STAB2: variants seen among roughly 807,000 people sequenced by gnomAD.
STAB2 encodes the protein stabilin-2.
In STAB2, 288 loss-of-function variants were observed where a neutral mutation model predicts 338.1. That is an observed-to-expected ratio of 0.85 (90% confidence interval 0.77 to 0.94). The LOEUF is 0.94. Among genes scored for constraint, STAB2 ranks in the 40% least tolerant of loss-of-function variants. The probability of loss-of-function intolerance (pLI) is 0.00; values close to 1 mark genes in which losing one functional copy is unlikely to be tolerated. For synonymous variants in STAB2, 1,202 were observed against 1,193.3 expected (o/e 1.01, Z -0.15); for missense variants, 3,141 against 3,210.1 (o/e 0.98, Z 0.52).
In STAB2 at chr12:103,638,198, G is replaced by T; in HGVS notation, c.892G>T (p.Asp298Tyr). ...CPTKSTVCKY[D>Y]GPGQSHCECK... ...TACAAAGTCTACAGTGTGCAAATAT[G>T]ATGGGCCTGGACAGGTGAGCAAATG... Residue 298 changes from aspartate to tyrosine, a missense_variant, in exon 8 of 69, where the codon GAT (aspartate) becomes TAT (tyrosine). By Grantham distance (160) the Asp-to-Tyr change is radical. Transcript: ENST00000388887. 6.2e-7 allele frequency: 1 copy of T among 1,614,080 alleles called. No individual in the cohort carries two copies. Among genetic ancestry groups the T allele is most frequent in the Non-Finnish European group, 8.5e-7 (1 of 1,179,966 alleles).
intron 68 of STAB2, among the ~76,000 whole-genome samples, chr12:103,764,734 G>A (rs1332187878): frequency 6.6e-6 from 1 of 152,126 alleles, no homozygotes; most frequent in Admixed American, 6.5e-5. Context: ...GCAATAGACT[G>A]AAAAATAACC....
chr12:103,670,778 C>CCAATAAATACG lies in STAB2; in HGVS notation c.2343_2353dup (p.Gly785AlafsTer23), dbSNP rs1219244858. Reference sequence around the variant, plus strand: ...TCCCAGTGTCAGTTCTGCTCTGATCCCAATAAATACGGACCTCGGTGTAAC... The same window carrying CCAATAAATACG: ...TCCCAGTGTCAGTTCTGCTCTGATCCCAATAAATACGCAATAAATACGGACCTCGGTGTAAC... On this transcript the variant is annotated frameshift_variant, in exon 22 of 69. Coordinates refer to ENST00000388887, the MANE Select transcript of STAB2 (RefSeq NM_017564.10). LOFTEE classifies it high-confidence loss of function. 1 of 1,613,956 alleles carries CCAATAAATACG rather than the reference C, an allele frequency of 6.2e-7. No homozygotes were observed. Among genetic ancestry groups the CCAATAAATACG allele is most frequent in the Non-Finnish European group, 8.5e-7 (1 of 1,180,014 alleles).
At chr12:103,712,756 C>T (rs1030468914) in intron 41 of STAB2, among the ~76,000 whole-genome samples, 1 of 151,988 alleles carries the variant, frequency 6.6e-6, no homozygotes, top group Non-Finnish European at 1.5e-5. Flanking sequence ...TACTATATAC[C>T]CTAGAAATAT....
At chr12:103,652,773 C>A in intron 12 of STAB2, 68 bp downstream of exon 12, 1 of 1,431,696 alleles carries the variant, frequency 7.0e-7, no homozygotes, top group Non-Finnish European at 9.2e-7. Flanking sequence ...ATATCCTTCT[C>A]TCTCTTTTTG....
chr12:103,652,376 C>G (rs867375907), intron 11 of STAB2, among the ~76,000 whole-genome samples, 180 bp from the exon 12 acceptor site: 3 of 152,200 alleles, frequency 2.0e-5, no homozygotes, highest in African/African-American at 7.2e-5. Flanking sequence ...GTTGATTGCA[C>G]TGATGGTAAT....
intron 11 of STAB2, 35 bp from the exon 12 acceptor site, chr12:103,652,521 T>C (rs1472006383): frequency 1.3e-6 from 2 of 1,530,120 alleles, no homozygotes; most frequent in East Asian, 4.7e-5. Context: ...CATTTTCTTC[T>C]TCAAATAATA....
At chr12:103,681,077 G>T (rs917304554) in intron 25 of STAB2, among the ~76,000 whole-genome samples, 1 of 152,282 alleles carries the variant, frequency 6.6e-6, no homozygotes, top group Middle Eastern at 3.4e-3. Context: ...CCCATGGTCT[G>T]GTTGTTCCAC....
chr12:103,690,080 T>C, intron 29 of STAB2, 98 bp downstream of exon 29: 2 of 1,487,962 alleles, frequency 1.3e-6, no homozygotes, highest in Non-Finnish European at 1.8e-6. Flanking sequence ...GTCCTTCAAA[T>C]TCGTGGAGCT....
rs76367132 is a variant in STAB2, at chr12:103,730,708, C to T, written c.5223+452C>T. On this transcript the variant is annotated intron_variant, in intron 49 of 68. Coordinates refer to ENST00000388887, the MANE Select transcript of STAB2 (RefSeq NM_017564.10). ...ATCTCTGGAAGGGTAGAGCCTAATT[C>T]GGATGCTACACAGCTGGGAGCAGAG... Among the ~76,000 whole-genome samples, 1,190 of 152,164 alleles carry T rather than the reference C, an allele frequency of 7.8e-3. 22 individuals are homozygous for T. The highest frequency in any genetic ancestry group is 0.027 in the African/African-American group (1,120 of 41,500).
In STAB2 at chr12:103,632,842, G is replaced by A. The variant is rs77276580; in HGVS notation, c.583+1149G>A. On this transcript the variant is annotated intron_variant, in intron 6 of 68. Transcript: ENST00000388887. ...GAGAAACTCACAGGATGGCAGAGCCGGGGAGCTGAGATGTTAAGAAATCGA... is the reference window on the plus strand; with the variant it reads ...GAGAAACTCACAGGATGGCAGAGCCAGGGAGCTGAGATGTTAAGAAATCGA... Among the ~76,000 whole-genome samples the A allele has an allele frequency of 2.8e-3, 422 of 152,292 alleles. 2 individuals carry two copies. Among genetic ancestry groups the A allele is most frequent in the African/African-American group, 9.9e-3 (412 of 41,562 alleles).
intron 37 of STAB2, 108 bp from the exon 38 acceptor site, chr12:103,706,684 T>C (rs1879375103): frequency 6.9e-7 from 1 of 1,447,616 alleles, no homozygotes; most frequent in East Asian, 2.4e-5. Context: ...CCATGTGAGG[T>C]CGAAGAAACA....
chr12:103,643,616 A>G (rs1265708064), intron 9 of STAB2, among the ~76,000 whole-genome samples: 1 of 152,148 alleles, frequency 6.6e-6, no homozygotes, highest in African/African-American at 2.4e-5. Flanking sequence ...GGCAGTGAGC[A>G]TAGGCGCTGC....
Position 103,731,559 on chromosome 12 carries a change from T to C in STAB2, c.5224-17T>C. 6.2e-7 allele frequency: 1 copy of C among 1,613,106 alleles called. No homozygotes were observed. Among genetic ancestry groups the C allele is most frequent in the Non-Finnish European group, 8.5e-7 (1 of 1,179,760 alleles). On this transcript the variant is annotated splice_polypyrimidine_tract_variant and intron_variant, in intron 49 of 68. Transcript: ENST00000388887. ...GTATAAGGAAAAGTTTCATGCCCAT[T>C]CTTATTATCTTTGCAGCAAAATCTT...
At chr12:103,723,789 G>T (rs1880960735) in intron 44 of STAB2, among the ~76,000 whole-genome samples, 1 of 152,214 alleles carries the variant, frequency 6.6e-6, no homozygotes, top group African/African-American at 2.4e-5. Flanking sequence ...GGTTCGAGGG[G>T]ACTGAGTGGG....
intron 56 of STAB2, among the ~76,000 whole-genome samples, chr12:103,744,150 C>CT (rs35188722): frequency 4.4e-4 from 66 of 149,064 alleles, no homozygotes; most frequent in African/African-American, 1.1e-3. Context: ...TTTAATGTTA[C>CT]TTTTTTTTTT....
rs532352216 is a variant in STAB2 at position 103,625,917 on chromosome 12, C to A, written c.487+3806C>A. 2.2e-3 allele frequency among the ~76,000 whole-genome samples: 337 copies of A among 152,202 alleles called. 2 individuals carry two copies. Among genetic ancestry groups the A allele is most frequent in the Non-Finnish European group, 3.6e-3 (242 of 67,998 alleles). ...TCAAATGGTATTTCCAGTTCTAGATCCCTGAGGAATCGCCACACTGACTTC... is the reference window on the plus strand; with the variant it reads ...TCAAATGGTATTTCCAGTTCTAGATACCTGAGGAATCGCCACACTGACTTC... On this transcript the variant is annotated intron_variant, in intron 5 of 68. Coordinates refer to ENST00000388887, the MANE Select transcript of STAB2 (RefSeq NM_017564.10).
intron 3 of STAB2, among the ~76,000 whole-genome samples, chr12:103,610,782 G>A (rs1236558264): frequency 5.3e-5 from 8 of 151,992 alleles, no homozygotes; most frequent in Non-Finnish European, 8.8e-5. Flanking sequence ...GTGTTGTTAG[G>A]GTGTCAATTT....
At chr12:103,673,818 GAGGTGGTCCCTGTCCTCC>G in intron 22 of STAB2, 71 bp from the exon 23 acceptor site, 1 of 1,382,122 alleles carries the variant, frequency 7.2e-7, no homozygotes, top group East Asian at 2.4e-5. Flanking sequence ...GGGGTGAGAA[GAGGTGGTCCCTGTCCTCC>G]AGGGTGCTCT....
At position 103,730,376 on chromosome 12, in the gene STAB2, A is replaced by G. The variant is rs1359147802; in HGVS notation, c.5223+120A>G. ...TTTTCTGCTTCAATCTCAAGCTATT[A>G]TTAAAAGCCTAGTAAACATTATTCT... On this transcript the variant is annotated intron_variant, in intron 49 of 68. Transcript: ENST00000388887. The G allele has an allele frequency of 7.0e-6, 8 of 1,142,808 alleles. No individual in the cohort carries two copies. In the South Asian group the frequency reaches 8.4e-5, roughly 12 times the overall value. 70.8% of individuals were successfully genotyped at this position (1,142,808 alleles called of 1,614,324 possible). A position where few individuals can be genotyped will look rare whatever the true frequency, so the allele number is the denominator to read the frequency against.
Sources: allele counts gnomAD v4.1 joint callset (sites outside exome capture counted in the v4.1 genomes callset), GRCh38; gene constraint gnomAD v4.1.1; transcripts MANE v1.5; gene names NCBI Gene and HGNC (gene_info 2026-07-23, HGNC 2026-07-21).